The following TFEC variants were observed in gnomAD, a reference collection of about 807,000 sequenced individuals.
TFEC encodes class E basic helix-loop-helix protein 34.
TFEC carries 31 observed loss-of-function variants against 41.6 expected under a neutral mutation model. That is an observed-to-expected ratio of 0.74 (90% CI 0.56 to 1.01). The LOEUF is 1.01. Ranked by LOEUF, TFEC falls within the 50% of genes least tolerant of loss-of-function variation. The probability of loss-of-function intolerance (pLI) is 0.00; values close to 1 mark genes in which losing one functional copy is unlikely to be tolerated. For missense variants in TFEC, 402 were observed against 404.1 expected, an observed-to-expected ratio of 0.99 and a Z score of 0.04; for synonymous variants, 143 against 140.6, an observed-to-expected ratio of 1.02 and a Z score of -0.12.
At chr7:116,050,542 A>T (rs1439351885) in intron 3 of TFEC, among the ~76,000 whole-genome samples, 6 of 152,284 alleles carry the variant, frequency 3.9e-5, no homozygotes, top group Non-Finnish European at 1.5e-5. Context: ...AGACACATCA[A>T]AAAGTGCTCA....
chr7:116,105,213 G>A (rs894321567), intron 3 of TFEC, among the ~76,000 whole-genome samples: 1 of 152,242 alleles, frequency 6.6e-6, no homozygotes. Flanking sequence ...GAGAGACCAG[G>A]AGGCAGACAT....
At chr7:115,949,576 C>T (rs1791814766) in intron 6 of TFEC, among the ~76,000 whole-genome samples, 1 of 151,930 alleles carries the variant, frequency 6.6e-6, no homozygotes, top group South Asian at 2.1e-4. Context: ...CTTTGACAAA[C>T]CTGAGAAAAA....
intron 3 of TFEC, among the ~76,000 whole-genome samples, chr7:116,037,741 T>G (rs1795943650): frequency 6.6e-6 from 1 of 151,982 alleles, no homozygotes; most frequent in Non-Finnish European, 1.5e-5. Flanking sequence ...AGACTAAAAT[T>G]GAAACTTACC....
rs551320748 is a variant in TFEC at position 116,027,098 on chromosome 7, C to T, written c.-73+3535G>A. 1.3e-4 allele frequency among the ~76,000 whole-genome samples: 20 copies of T among 152,232 alleles called. No individual in the cohort carries two copies. In the Middle Eastern group the frequency reaches 0.01, roughly 78 times the overall value. On this transcript the variant is annotated intron_variant, in intron 1 of 7. Transcript: ENST00000265440. ...TGAGTCTACACAGGGTCAAAGGGAA[C>T]AGAGTGTTAACATATTAGCCCCTGA...
At chr7:116,068,188 G>C (rs1364191167) in intron 3 of TFEC, among the ~76,000 whole-genome samples, 1 of 151,658 alleles carries the variant, frequency 6.6e-6, no homozygotes, top group African/African-American at 2.4e-5. Context: ...ATGTTTTTTT[G>C]TATTTTTGTC....
chr7:115,991,397 G>C (rs1794104747), intron 1 of TFEC, among the ~76,000 whole-genome samples: 1 of 152,092 alleles, frequency 6.6e-6, no homozygotes, highest in Non-Finnish European at 1.5e-5. Flanking sequence ...AATGTAAATG[G>C]GCTAAATGCT....
At chr7:116,078,117 A>G (rs926948898) in intron 3 of TFEC, among the ~76,000 whole-genome samples, 1 of 152,128 alleles carries the variant, frequency 6.6e-6, no homozygotes, top group Admixed American at 6.6e-5. Flanking sequence ...AATCAACTCC[A>G]AAAGGAACCC....
chr7:115,993,375 A>G (rs984540416), intron 1 of TFEC, among the ~76,000 whole-genome samples: 5 of 152,148 alleles, frequency 3.3e-5, no homozygotes, highest in African/African-American at 1.2e-4. Flanking sequence ...GGCAGGAGAA[A>G]GAAATAAAGG....
At chr7:115,953,761 A>G (rs975947954) in intron 5 of TFEC, among the ~76,000 whole-genome samples, 3 of 152,146 alleles carry the variant, frequency 2.0e-5, no homozygotes, top group African/African-American at 7.2e-5. Flanking sequence ...CACACTCAGC[A>G]AACATCACTG....
At chr7:116,125,480 G>A (rs1302492315) in intron 1 of TFEC, among the ~76,000 whole-genome samples, 3 of 152,154 alleles carry the variant, frequency 2.0e-5, no homozygotes, top group Admixed American at 2.0e-4. Flanking sequence ...AAATTTTTGA[G>A]CAGCTAAGAC....
chr7:116,012,115 T>A (rs1295274300), intron 1 of TFEC, among the ~76,000 whole-genome samples: 1 of 152,214 alleles, frequency 6.6e-6, no homozygotes, highest in Non-Finnish European at 1.5e-5. Flanking sequence ...TTTTAGAAGC[T>A]TAAGGCCCTC....
chr7:116,060,579 G>A (rs763886424), intron 3 of TFEC, among the ~76,000 whole-genome samples: 9 of 152,076 alleles, frequency 5.9e-5, no homozygotes, highest in Non-Finnish European at 1.0e-4. Context: ...GATACAGCTG[G>A]GGGCTATTAG....
At chr7:115,943,855 C>T (rs970273552) in intron 6 of TFEC, among the ~76,000 whole-genome samples, 4 of 150,848 alleles carry the variant, frequency 2.7e-5, no homozygotes, top group African/African-American at 9.7e-5. Context: ...GCAGATAATA[C>T]AAATGTATAA....
intron 1 of TFEC, among the ~76,000 whole-genome samples, chr7:116,142,341 A>G (rs1258724270): frequency 6.6e-6 from 1 of 152,216 alleles, no homozygotes; most frequent in African/African-American, 2.4e-5. Flanking sequence ...ATGGATTACT[A>G]AGAATACTGA....
At chr7:115,955,179 A>G (rs1041648204) in intron 4 of TFEC, among the ~76,000 whole-genome samples, 1 of 151,952 alleles carries the variant, frequency 6.6e-6, no homozygotes, top group African/African-American at 2.4e-5. Flanking sequence ...CCCTGTATAT[A>G]TGGTGTGGTT....
chr7:116,149,619 A>G (rs947507889), intron 1 of TFEC, among the ~76,000 whole-genome samples: 4 of 152,208 alleles, frequency 2.6e-5, no homozygotes, highest in African/African-American at 9.6e-5. Flanking sequence ...TGCCTGCAGT[A>G]AGTACACAGT....
rs200968429 is a variant in TFEC at position 115,966,057 on chromosome 7, T to C, written c.267+8113A>G. On this transcript the variant is annotated intron_variant, in intron 3 of 7. Coordinates refer to ENST00000265440, the MANE Select transcript of TFEC (RefSeq NM_012252.4). ...CCACTACCCCTCCCAGACTAACTCA[T>C]AGTTTAAAAATACAACTTCCTTCTG... Among the ~76,000 whole-genome samples, 19 of 151,802 alleles carry C rather than the reference T, an allele frequency of 1.3e-4. No individual in the cohort carries two copies. In the East Asian group the frequency reaches 3.1e-3, roughly 25 times the overall value.
intron 1 of TFEC, among the ~76,000 whole-genome samples, chr7:116,143,542 A>C (rs1338930364): frequency 6.6e-6 from 1 of 152,218 alleles, no homozygotes; most frequent in Admixed American, 6.5e-5. Flanking sequence ...TAGACAGAGA[A>C]AACATATTTA....
At chr7:116,014,629 A>T (rs1283047272) in intron 1 of TFEC, among the ~76,000 whole-genome samples, 1 of 152,112 alleles carries the variant, frequency 6.6e-6, no homozygotes, top group Non-Finnish European at 1.5e-5. Flanking sequence ...CTCCCCACCA[A>T]AGATGTCCAC....
Sources: allele counts gnomAD v4.1 joint callset (sites outside exome capture counted in the v4.1 genomes callset), GRCh38; gene constraint gnomAD v4.1.1; transcripts MANE v1.5; gene names NCBI Gene and HGNC (gene_info 2026-07-23, HGNC 2026-07-21).